ZMYM1: variants seen among roughly 807,000 people sequenced by gnomAD.
ZMYM1 encodes zinc finger MYM-type protein 1.
In ZMYM1, 39 loss-of-function variants were observed where a neutral mutation model predicts 60.0. The observed-to-expected ratio is 0.65, with a 90% CI of 0.50 to 0.85. The LOEUF (loss-of-function observed/expected upper bound fraction) is 0.85. Among genes scored for constraint, ZMYM1 ranks in the 40% least tolerant of loss-of-function variants. ZMYM1 has a pLI of 0.00. For missense variants in ZMYM1, 1,171 were observed against 1,309.5 expected, an observed-to-expected ratio of 0.89 and a Z score of 1.63; for synonymous variants, 413 against 454.0, an observed-to-expected ratio of 0.91 and a Z score of 1.15.
At position 35,110,435 on chromosome 1, in the gene ZMYM1, G is replaced by C; in HGVS notation, c.949G>C (p.Glu317Gln). Reference protein sequence around the residue: ...CFSAYSKAKMESSSVSVVSVV... With the variant: ...CFSAYSKAKMQSSSVSVVSVV... Reference sequence around the variant, plus strand: ...CTCTGCATACAGTAAAGCTAAGATGGAATCTTCTTCAGGTAATGTTTGTTT... The same window carrying C: ...CTCTGCATACAGTAAAGCTAAGATGCAATCTTCTTCAGGTAATGTTTGTTT... Residue 317 changes from glutamate (E) to glutamine (Q), a missense_variant, in exon 7 of 10, where the codon GAA becomes CAA. Physicochemically the swap from Glu to Gln is conservative, Grantham distance 29. Transcript: ENST00000359858. The C allele has an allele frequency of 6.6e-7, 1 of 1,510,844 alleles. No individual in the cohort carries two copies. Among genetic ancestry groups the C allele is most frequent in the Non-Finnish European group, 8.8e-7 (1 of 1,132,978 alleles). 93.6% of individuals were successfully genotyped at this position (1,510,844 alleles called of 1,614,324 possible).
At chr1:35,115,875 T>C (rs1570057231), downstream of ZMYM1, 1 of 152,372 alleles carries the variant, frequency 6.6e-6, no homozygotes, top group South Asian at 2.1e-4. Context: ...TGATCTTTCC[T>C]AATCTCTTAC....
intron 4 of ZMYM1, among the ~76,000 whole-genome samples, chr1:35,101,395 CTGGCCAACATTCA>C (rs1643650218): frequency 6.6e-6 from 1 of 150,476 alleles, no homozygotes; most frequent in African/African-American, 2.5e-5. Context: ...GCCACCGTGC[CTGGCCAACATTCA>C]TTTTTCAATT....
At chr1:35,100,621 CAAAAA>C (rs200864645) in intron 4 of ZMYM1, among the ~76,000 whole-genome samples, 1 of 108,374 alleles carries the variant, frequency 9.2e-6, no homozygotes, top group Non-Finnish European at 2.0e-5. Context: ...GACCCTGTCT[CAAAAA>C]AAAAAAAAAA....
chr1:35,074,662 C>T (rs1642134382), upstream of ZMYM1, among the ~76,000 whole-genome samples: 2 of 152,262 alleles, frequency 1.3e-5, no homozygotes, highest in South Asian at 4.2e-4. Flanking sequence ...CCGCCTCAGC[C>T]TCCCAAAGTG....
At position 35,115,524 on chromosome 1, in the gene ZMYM1, G is replaced by A. The variant is rs1323923729; in HGVS notation, c.*265G>A. On this transcript the variant is annotated 3_prime_UTR_variant, in exon 10 of 10. Transcript: ENST00000359858. ...CATATTTTTGAGATTGTCCCATGTC[G>A]TTACATGAAGAGTTTCTTGATTCTT... The A allele has an allele frequency of 3.2e-5, 7 of 221,166 alleles. No individual in the cohort carries two copies. The highest frequency in any genetic ancestry group is 5.5e-5 in the Admixed American group (1 of 18,142). 13.7% of individuals were successfully genotyped at this position (221,166 alleles called of 1,614,324 possible).
chr1:35,102,822 T>C (rs190520995), intron 4 of ZMYM1, among the ~76,000 whole-genome samples: 29 of 152,348 alleles, frequency 1.9e-4, no homozygotes, highest in Admixed American at 3.9e-4. Context: ...ACTTTATGCT[T>C]ATGTCCTGTG....
chr1:35,116,515 T>C (rs536936101), downstream of ZMYM1, among the ~76,000 whole-genome samples: 1 of 152,354 alleles, frequency 6.6e-6, no homozygotes, highest in Admixed American at 6.5e-5. Flanking sequence ...TGGAGTGCAA[T>C]GGTATGATCT....
chr1:35,087,191 C>G (rs1467274533), intron 1 of ZMYM1, among the ~76,000 whole-genome samples: 1 of 150,952 alleles, frequency 6.6e-6, no homozygotes, highest in Non-Finnish European at 1.5e-5. Flanking sequence ...GGGGTTTTAC[C>G]ATGTTGGCCA....
intron 9 of ZMYM1, 43 bp downstream of exon 9, chr1:35,112,173 A>G (rs962809962): frequency 1.3e-6 from 2 of 1,596,348 alleles, no homozygotes; most frequent in Non-Finnish European, 1.7e-6. Context: ...TTTAATAAGC[A>G]GATTTTTGTT....
In ZMYM1 at chr1:35,095,856, A is replaced by G; in HGVS notation, c.134A>G (p.Asn45Ser). Residue 45 changes from asparagine to serine, a missense_variant, in exon 3 of 10, where the codon AAT becomes AGT. Coordinates refer to ENST00000359858, the MANE Select transcript of ZMYM1 (RefSeq NM_024772.5). ...AGGCAACAGTCCAGAACTCAGGAGA[A>G]TGAACTGAAAATAAATGCTGTGTTT... is the stretch of plus-strand genomic sequence containing the variant. ...CHRQQSRTQE[N>S]ELKINAVFSE... 3 of 1,610,632 alleles carry G rather than the reference A, an allele frequency of 1.9e-6. No individual in the cohort carries two copies. Among genetic ancestry groups the G allele is most frequent in the Non-Finnish European group, 2.5e-6 (3 of 1,177,868 alleles).
At chr1:35,071,863 G>A (rs184931625) in intron 1 of ZMYM1, among the ~76,000 whole-genome samples, 8 of 152,314 alleles carry the variant, frequency 5.3e-5, no homozygotes, top group Admixed American at 5.2e-4. Context: ...TGAAAACTGG[G>A]CGCAGTGGCT....
At position 35,097,529 on chromosome 1, in the gene ZMYM1, C is replaced by T; in HGVS notation, c.382C>T (p.Pro128Ser). The change falls in exon 4 of 10, where the codon CCA (proline) becomes TCA (serine). Residue 128 changes from proline to serine, a missense_variant. Pro to Ser is a moderately conservative substitution (Grantham distance 74). Coordinates refer to ENST00000359858, the MANE Select transcript of ZMYM1 (RefSeq NM_024772.5). ...ITEYISSASS[P>S]VPSKRTCSNC... ...TGAATACATTTCATCTGCCAGTTCA[C>T]CAGTTCCTTCTAAGAGAACTTGTTC... is the stretch of plus-strand genomic sequence containing the variant. The T allele has an allele frequency of 6.2e-7, 1 of 1,614,246 alleles. No homozygotes were observed. The highest frequency in any genetic ancestry group is 8.5e-7 in the Non-Finnish European group (1 of 1,180,042).
upstream of ZMYM1, among the ~76,000 whole-genome samples, chr1:35,076,551 G>C (rs1444728685): frequency 6.6e-6 from 1 of 152,044 alleles, no homozygotes; most frequent in Non-Finnish European, 1.5e-5. Flanking sequence ...AACCAAGGAG[G>C]TGAAGGTTGC....
chr1:35,109,746 C>CT (rs879736798), intron 6 of ZMYM1, among the ~76,000 whole-genome samples: 158 of 144,748 alleles, frequency 1.1e-3, no homozygotes, highest in Admixed American at 1.7e-3. Flanking sequence ...TTCTTCATTG[C>CT]TTTTTTTTTT....
intron 1 of ZMYM1, among the ~76,000 whole-genome samples, chr1:35,063,969 T>C (rs950755061): frequency 6.6e-6 from 1 of 152,134 alleles, no homozygotes; most frequent in African/African-American, 2.4e-5. Flanking sequence ...GGTGGAGAGA[T>C]AGATGCTAGA....
downstream of ZMYM1, among the ~76,000 whole-genome samples, chr1:35,116,031 A>G (rs1412452347): frequency 1.3e-5 from 2 of 152,128 alleles, no homozygotes; most frequent in African/African-American, 2.4e-5. Flanking sequence ...CACGAGTTCA[A>G]GATGAGGTTG....
chr1:35,097,231 A>T (rs1412951891), intron 3 of ZMYM1, 86 bp from the exon 4 acceptor site: 1 of 1,452,226 alleles, frequency 6.9e-7, no homozygotes, highest in South Asian at 1.4e-5. Flanking sequence ...CCCTGTCTCT[A>T]AAAAAAGAAA....
intron 1 of ZMYM1, among the ~76,000 whole-genome samples, chr1:35,067,809 A>G (rs1569841265): frequency 1.3e-5 from 2 of 151,744 alleles, no homozygotes; most frequent in African/African-American, 4.8e-5. Flanking sequence ...CGGAAGGCGG[A>G]GGTTGCAGTG....
intron 6 of ZMYM1, among the ~76,000 whole-genome samples, chr1:35,106,291 C>G (rs1439286721): frequency 6.6e-6 from 1 of 152,054 alleles, no homozygotes; most frequent in African/African-American, 2.4e-5. Flanking sequence ...AGACCCAACT[C>G]TATCCCTATA....
Sources: allele counts gnomAD v4.1 joint callset (sites outside exome capture counted in the v4.1 genomes callset), GRCh38; gene constraint gnomAD v4.1.1; transcripts MANE v1.5; gene names NCBI Gene and HGNC (gene_info 2026-07-23, HGNC 2026-07-21).